The following LIMCH1 variants were observed in gnomAD, a reference collection of about 807,000 sequenced individuals.
LIMCH1 encodes LIM and calponin homology domains-containing protein 1.
LIMCH1 carries 113 observed loss-of-function variants against 176.5 expected under a neutral mutation model. That is an observed-to-expected ratio of 0.64 (90% CI 0.55 to 0.75). LIMCH1 has a LOEUF of 0.75. Ranked by LOEUF, LIMCH1 falls within the 30% of genes least tolerant of loss-of-function variation. LIMCH1 has a pLI of 0.00. For synonymous variants in LIMCH1, 619 were observed against 645.9 expected (o/e 0.96, Z 0.63); for missense variants, 1,674 against 1,814.9 (o/e 0.92, Z 1.41).
At chr4:41,548,198 T>C (rs549251595) in intron 1 of LIMCH1, among the ~76,000 whole-genome samples, 1 of 152,168 alleles carries the variant, frequency 6.6e-6, no homozygotes, top group Admixed American at 6.5e-5. Flanking sequence ...GCTTACACTT[T>C]AATCTATAAT....
intron 5 of LIMCH1, among the ~76,000 whole-genome samples, chr4:41,616,837 T>A (rs182269549): frequency 6.6e-6 from 1 of 152,100 alleles, no homozygotes; most frequent in African/African-American, 2.4e-5. Context: ...GATTTAAGTA[T>A]CCCAGGGTCA....
chr4:41,676,865 T>C (rs2153032645), intron 23 of LIMCH1, among the ~76,000 whole-genome samples: 1 of 152,268 alleles, frequency 6.6e-6, no homozygotes, highest in East Asian at 1.9e-4. Flanking sequence ...ATAGAAACTT[T>C]TGCTCTACCT....
intron 1 of LIMCH1, among the ~76,000 whole-genome samples, chr4:41,485,643 G>A (rs2069393739): frequency 6.6e-6 from 1 of 152,158 alleles, no homozygotes; most frequent in Non-Finnish European, 1.5e-5. Context: ...CCATTAGTTT[G>A]TGTGTTTCTA....
chr4:41,404,212 A>G (rs573529969), intron 1 of LIMCH1, among the ~76,000 whole-genome samples: 4 of 152,100 alleles, frequency 2.6e-5, no homozygotes, highest in Admixed American at 2.0e-4. Flanking sequence ...ATCTCCAACT[A>G]TGACCACCCT....
intron 1 of LIMCH1, among the ~76,000 whole-genome samples, chr4:41,387,771 A>G (rs1235414763): frequency 6.6e-6 from 1 of 152,238 alleles, no homozygotes; most frequent in Non-Finnish European, 1.5e-5. Flanking sequence ...TTTGGCAACT[A>G]TTTCACAAAT....
chr4:41,527,017 C>T (rs184639824), intron 3 of LIMCH1, among the ~76,000 whole-genome samples: 177 of 152,306 alleles, frequency 1.2e-3, no homozygotes, highest in Non-Finnish European at 1.7e-3. Context: ...TTTCCTCCTG[C>T]TCTTCTTGAC....
intron 5 of LIMCH1, among the ~76,000 whole-genome samples, chr4:41,615,077 A>G (rs959126856): frequency 4.6e-5 from 7 of 152,200 alleles, no homozygotes; most frequent in African/African-American, 9.7e-5. Context: ...AAAATGTTAT[A>G]TGTCATTTTA....
At chr4:41,398,515 C>G (rs918141214) in intron 1 of LIMCH1, among the ~76,000 whole-genome samples, 3 of 152,106 alleles carry the variant, frequency 2.0e-5, no homozygotes, top group African/African-American at 4.8e-5. Context: ...AGGAGTAGAA[C>G]TTTGCTGTTC....
intron 1 of LIMCH1, among the ~76,000 whole-genome samples, chr4:41,399,261 C>T (rs1188013821): frequency 1.3e-5 from 2 of 151,648 alleles, no homozygotes; most frequent in African/African-American, 4.8e-5. Context: ...TTGCTTGTTT[C>T]TTATATTAAG....
intron 17 of LIMCH1, among the ~76,000 whole-genome samples, chr4:41,648,257 TC>T (rs2094143272): frequency 6.6e-6 from 1 of 152,236 alleles, no homozygotes; most frequent in Non-Finnish European, 1.5e-5. Flanking sequence ...ATTCTAGATG[TC>T]CACTTTCCCT....
chr4:41,551,550 T>C (rs1194115127), intron 1 of LIMCH1, among the ~76,000 whole-genome samples: 2 of 152,294 alleles, frequency 1.3e-5, no homozygotes, highest in East Asian at 3.9e-4. Context: ...TTAGAGTGTT[T>C]GGATGAAGCC....
intron 21 of LIMCH1, 35 bp from the exon 22 acceptor site, chr4:41,671,519 C>G (rs1033645660): frequency 6.4e-7 from 1 of 1,573,440 alleles, no homozygotes; most frequent in Non-Finnish European, 8.7e-7. Context: ...TACTCACATT[C>G]ATATCTTTTT....
At chr4:41,612,931 G>A in intron 4 of LIMCH1, 2 of 1,493,804 alleles carry the variant, frequency 1.3e-6, no homozygotes, top group South Asian at 2.7e-5. Flanking sequence ...AAGGTAGCAG[G>A]AGATGAACGC....
chr4:41,644,420 C>A, intron 14 of LIMCH1, 80 bp from the exon 15 acceptor site: 2 of 1,400,422 alleles, frequency 1.4e-6, no homozygotes, highest in South Asian at 1.6e-5. Flanking sequence ...AGCGCCCCCA[C>A]GCGGCAGGAC....
At chr4:41,512,397 C>G (rs2075035174) in intron 2 of LIMCH1, among the ~76,000 whole-genome samples, 1 of 152,166 alleles carries the variant, frequency 6.6e-6, no homozygotes, top group African/African-American at 2.4e-5. Flanking sequence ...TGTTATACTC[C>G]TAAGTACATA....
At chr4:41,604,813 A>G (rs887725709) in intron 3 of LIMCH1, among the ~76,000 whole-genome samples, 2 of 152,168 alleles carry the variant, frequency 1.3e-5, no homozygotes, top group African/African-American at 2.4e-5. Flanking sequence ...CGAGGGATTC[A>G]TGAAGTAAAA....
chr4:41,406,280 A>G (rs1251843003), intron 1 of LIMCH1, among the ~76,000 whole-genome samples: 7 of 152,362 alleles, frequency 4.6e-5, no homozygotes, highest in East Asian at 1.9e-4. Context: ...ATAGTTTATG[A>G]AAAGTCTACT....
intron 1 of LIMCH1, among the ~76,000 whole-genome samples, chr4:41,590,796 TAAA>T (rs1386456557): frequency 1.3e-5 from 2 of 152,164 alleles, no homozygotes; most frequent in African/African-American, 2.4e-5. Context: ...TCCTGGCAAA[TAAA>T]AATGCATTGA....
At chr4:41,570,678 G>A (rs559910909) in intron 1 of LIMCH1, among the ~76,000 whole-genome samples, 3 of 152,248 alleles carry the variant, frequency 2.0e-5, no homozygotes, top group South Asian at 2.1e-4. Context: ...AGCTCTGGGC[G>A]GACAAGAGGG....
Sources: allele counts gnomAD v4.1 joint callset (sites outside exome capture counted in the v4.1 genomes callset), GRCh38; gene constraint gnomAD v4.1.1; transcripts MANE v1.5; gene names NCBI Gene and HGNC (gene_info 2026-07-23, HGNC 2026-07-21).